The following TCEA1 variants were observed in gnomAD, a reference collection of about 807,000 sequenced individuals.
TCEA1 encodes the protein transcription elongation factor A1.
A neutral mutation model predicts 43.8 loss-of-function variants in TCEA1; 21 were observed. The observed-to-expected ratio is 0.48, with a 90% CI of 0.34 to 0.69. The LOEUF is 0.69. TCEA1 is among the 30% of genes least tolerant of loss of function. The probability of loss-of-function intolerance (pLI) is 0.01; values close to 1 mark genes in which losing one functional copy is unlikely to be tolerated. For synonymous variants in TCEA1, 104 were observed against 117.5 expected (o/e 0.88, Z 0.75); for missense variants, 250 against 365.1 (o/e 0.68, Z 2.57).
At chr8:53,984,325 A>T in intron 7 of TCEA1, 38 bp downstream of exon 7, 1 of 1,550,976 alleles carries the variant, frequency 6.4e-7, no homozygotes. Context: ...CACAACACAG[A>T]ATCACATTAT....
At position 53,967,241 on chromosome 8, in the gene TCEA1, T is replaced by C. The variant is rs1803013681; in HGVS notation, c.*863A>G. 9.9e-6 allele frequency: 2 copies of C among 202,492 alleles called. No individual in the cohort carries two copies. The highest frequency in any genetic ancestry group is 6.0e-5 in the Admixed American group (1 of 16,686). 12.5% of individuals were successfully genotyped at this position (202,492 alleles called of 1,614,324 possible). A position where few individuals can be genotyped will look rare whatever the true frequency, so the allele number is the denominator to read the frequency against. ...CTAGTCATGAACTGTTTACAATAGC[T>C]ATACTACACTAAGATGCTAAACATT... On this transcript the variant is annotated 3_prime_UTR_variant, in exon 10 of 10. Coordinates refer to ENST00000521604, the MANE Select transcript of TCEA1 (RefSeq NM_006756.4).
At chr8:53,975,733 G>C (rs1418733374) in intron 8 of TCEA1, among the ~76,000 whole-genome samples, 1 of 152,194 alleles carries the variant, frequency 6.6e-6, no homozygotes, top group Non-Finnish European at 1.5e-5. Flanking sequence ...TTGGGCTGGG[G>C]AGAGGGGAAT....
At chr8:53,989,709 GATAA>G (rs1803810908) in intron 4 of TCEA1, among the ~76,000 whole-genome samples, 1 of 152,034 alleles carries the variant, frequency 6.6e-6, no homozygotes, top group Non-Finnish European at 1.5e-5. Context: ...GCCTCTCAGT[GATAA>G]ATGAATGAGC....
chr8:53,975,676 A>G (rs984923447), intron 8 of TCEA1, among the ~76,000 whole-genome samples: 9 of 152,240 alleles, frequency 5.9e-5, no homozygotes, highest in Admixed American at 2.6e-4. Flanking sequence ...TATATGAAGT[A>G]CTTGGTATAG....
At chr8:53,992,503 G>A (rs1425937447) in intron 4 of TCEA1, among the ~76,000 whole-genome samples, 1 of 151,894 alleles carries the variant, frequency 6.6e-6, no homozygotes, top group African/African-American at 2.4e-5. Flanking sequence ...CCAGCTACTT[G>A]GGAAGCTGAG....
chr8:53,993,899 T>G, intron 3 of TCEA1, 144 bp from the exon 4 acceptor site: 1 of 655,132 alleles, frequency 1.5e-6, no homozygotes, highest in Non-Finnish European at 2.6e-6. Flanking sequence ...TATTAGCATA[T>G]GTACTATTTT....
At chr8:53,999,710 AAG>A (rs1804192088) in intron 3 of TCEA1, 2 of 413,036 alleles carry the variant, frequency 4.8e-6, no homozygotes. Flanking sequence ...TTCTTACTGA[AAG>A]AGTTTATCCA....
rs576094218 is a variant in TCEA1 at position 54,007,224 on chromosome 8, C to T, written c.126+3206G>A. Among the ~76,000 whole-genome samples, 8 of 151,776 alleles carry T rather than the reference C, an allele frequency of 5.3e-5. No individual in the cohort carries two copies. In the South Asian group the frequency reaches 6.3e-4, roughly 12 times the overall value. On this transcript the variant is annotated intron_variant, in intron 2 of 9. Transcript: ENST00000521604. The stretch of plus-strand genomic sequence containing the variant: ...AGCTTATGGAGCCCTTCTCAGAATC[C>T]GTTAAAAATGGATTAAATAAAATAC...
At chr8:54,014,251 A>G (rs148277375) in intron 1 of TCEA1, among the ~76,000 whole-genome samples, 4 of 152,272 alleles carry the variant, frequency 2.6e-5, no homozygotes, top group Admixed American at 2.6e-4. Context: ...TTGTGAATTC[A>G]GATGACTAGT....
At chr8:53,998,907 A>C (rs1804155639) in intron 3 of TCEA1, among the ~76,000 whole-genome samples, 1 of 152,186 alleles carries the variant, frequency 6.6e-6, no homozygotes, top group Admixed American at 6.5e-5. Flanking sequence ...GATAAAGAAA[A>C]GCTTAAGAAT....
chr8:53,997,776 G>T (rs975211300), intron 3 of TCEA1, among the ~76,000 whole-genome samples: 1 of 152,172 alleles, frequency 6.6e-6, no homozygotes, highest in Non-Finnish European at 1.5e-5. Flanking sequence ...GCGGATGCTT[G>T]CAATTCCAGC....
At chr8:53,998,940 T>C (rs967911994) in intron 3 of TCEA1, among the ~76,000 whole-genome samples, 1 of 152,042 alleles carries the variant, frequency 6.6e-6, no homozygotes, top group Non-Finnish European at 1.5e-5. Flanking sequence ...GAAAACTAGC[T>C]ATGTGAGGCC....
chr8:53,977,205 A>G lies in TCEA1; in HGVS notation c.825+1820T>C, dbSNP rs907185532. On this transcript the variant is annotated intron_variant, in intron 8 of 9. Transcript: ENST00000521604. Reference sequence around the variant, plus strand: ...CGTTGTGGTGGGTGCCTGTAGTCCCAGCTACTCGGGAGGCTGAGGCAGGAG... The same window carrying G: ...CGTTGTGGTGGGTGCCTGTAGTCCCGGCTACTCGGGAGGCTGAGGCAGGAG... Among the ~76,000 whole-genome samples the G allele has an allele frequency of 3.4e-4, 51 of 152,200 alleles. 1 individual carries two copies. The highest frequency in any genetic ancestry group is 1.5e-4 in the Non-Finnish European group (10 of 68,038).
intron 1 of TCEA1, among the ~76,000 whole-genome samples, chr8:54,013,970 G>C (rs887199608): frequency 1.1e-4 from 16 of 152,296 alleles, no homozygotes; most frequent in African/African-American, 3.8e-4. Flanking sequence ...ATCTACTCCA[G>C]TAATGTCAAA....
chr8:53,993,157 G>C (rs1586012360), intron 4 of TCEA1, among the ~76,000 whole-genome samples: 2 of 116,436 alleles, frequency 1.7e-5, no homozygotes, highest in Non-Finnish European at 3.4e-5. Flanking sequence ...TTTTTTGGTA[G>C]AGAAAGGGTT....
chr8:53,973,661 G>T (rs1803236394), intron 8 of TCEA1: 2 of 553,882 alleles, frequency 3.6e-6, no homozygotes, highest in African/African-American at 2.0e-5. Context: ...GCAAAAAGAA[G>T]AAAAAGAAGA....
In TCEA1 at chr8:54,022,338, A is replaced by C; in HGVS notation, c.-213T>G. 1.7e-6 allele frequency: 1 copy of C among 594,308 alleles called. No homozygotes were observed. The highest frequency in any genetic ancestry group is 3.2e-5 in the East Asian group (1 of 31,168). The allele number at this position is 594,308 out of a possible 1,614,324, so 36.8% of individuals were successfully genotyped here. A position where few individuals can be genotyped will look rare whatever the true frequency, so the allele number is the denominator to read the frequency against. ...CCTCCCCAGGCAGCGACAATCGAAC[A>C]CCGCGCGCGACGTGCAGGCGCTACC... On this transcript the variant is annotated 5_prime_UTR_variant, in exon 1 of 10. Transcript: ENST00000521604.
intron 2 of TCEA1, among the ~76,000 whole-genome samples, chr8:54,007,136 C>T (rs1024197065): frequency 6.6e-6 from 1 of 152,102 alleles, no homozygotes; most frequent in South Asian, 2.1e-4. Context: ...GCCACCTGGT[C>T]GGCCTAGAGG....
At chr8:54,011,785 C>A (rs1165958428) in intron 1 of TCEA1, among the ~76,000 whole-genome samples, 1 of 152,164 alleles carries the variant, frequency 6.6e-6, no homozygotes, top group African/African-American at 2.4e-5. Context: ...TTAAAGGTGA[C>A]AGACATTAGG....
Sources: gnomAD v4.1 joint callset for allele counts (sites outside exome capture counted in the v4.1 genomes callset) on GRCh38, gnomAD v4.1.1 for gene constraint, MANE v1.5 for transcripts, NCBI Gene and HGNC (gene_info 2026-07-23, HGNC 2026-07-21) for gene names.